BRCA1: variants seen among roughly 807,000 people sequenced by gnomAD.
BRCA1 encodes breast cancer type 1 susceptibility protein.
In BRCA1, 140 loss-of-function variants were observed where a neutral mutation model predicts 173.7. The observed-to-expected ratio is 0.81, with a 90% CI of 0.70 to 0.93. The LOEUF is 0.93. Ranked by LOEUF, BRCA1 falls within the 40% of genes least tolerant of loss-of-function variation. The pLI, the probability that BRCA1 is intolerant of heterozygous loss-of-function variation, is 0.00. For missense variants in BRCA1, 1,983 were observed against 2,172.5 expected, an observed-to-expected ratio of 0.91 and a Z score of 1.73; for synonymous variants, 662 against 756.0, an observed-to-expected ratio of 0.88 and a Z score of 2.04.
chr17:43,057,973 T>TCATG lies in BRCA1; in HGVS notation c.5194-842_5194-839dup, dbSNP rs1460749214. Among the ~76,000 whole-genome samples, 5 of 128,424 alleles carry TCATG rather than the reference T, an allele frequency of 3.9e-5. No homozygotes were observed. In the East Asian group the frequency reaches 1.1e-3, roughly 29 times the overall value. The allele number at this position is 128,424 out of a possible 152,430, so 84.3% of individuals were successfully genotyped here. On this transcript the variant is annotated intron_variant, in intron 18 of 22. Coordinates refer to ENST00000357654, the MANE Select transcript of BRCA1 (RefSeq NM_007294.4). ...AGGCAGAGGTTGCTGTGAGCCACGA[T>TCATG]CATGCCACTGCACTCCAGCCTGGGT...
chr17:43,102,078 GTTT>G (rs898927264), intron 6 of BRCA1, among the ~76,000 whole-genome samples: 1 of 143,792 alleles, frequency 7.0e-6, no homozygotes, highest in Non-Finnish European at 1.5e-5. Context: ...AAGTTTTTTT[GTTT>G]TTTTTTTGAG....
intron 6 of BRCA1, among the ~76,000 whole-genome samples, chr17:43,103,582 A>C (rs2054585058): frequency 6.6e-6 from 1 of 151,976 alleles, no homozygotes; most frequent in South Asian, 2.1e-4. Flanking sequence ...TCAGCCTCCT[A>C]AGTAGCTGGG....
intron 18 of BRCA1, among the ~76,000 whole-genome samples, chr17:43,059,335 G>A (rs1404675980): frequency 6.6e-6 from 1 of 152,078 alleles, no homozygotes; most frequent in African/African-American, 2.4e-5. Flanking sequence ...ATTGTGGCAG[G>A]TGCCTGTAAT....
chr17:43,088,767 C>G (rs1469289929), intron 11 of BRCA1, among the ~76,000 whole-genome samples: 1 of 152,128 alleles, frequency 6.6e-6, no homozygotes, highest in Non-Finnish European at 1.5e-5. Context: ...TAAGAATGTG[C>G]CTACGGCAGG....
At chr17:43,065,420 G>C (rs1471006144) in intron 16 of BRCA1, among the ~76,000 whole-genome samples, 1 of 152,140 alleles carries the variant, frequency 6.6e-6, no homozygotes, top group Non-Finnish European at 1.5e-5. Context: ...TGTAATCCCA[G>C]CACTTTGGGA....
Position 43,066,450 on chromosome 17 carries a change from C to T in BRCA1, c.5074+1158G>A, listed in dbSNP as rs112966361. On this transcript the variant is annotated intron_variant, in intron 16 of 22. Transcript: ENST00000357654. ...TTGTTGAGACAGAGTCTCACTCTGT[C>T]GCCAGGCTGGAGTGCAGTGGCAGGA... Among the ~76,000 whole-genome samples, 705 of 152,156 alleles carry T rather than the reference C, an allele frequency of 4.6e-3. 10 individuals carry two copies. The highest frequency in any genetic ancestry group is 0.016 in the African/African-American group (652 of 41,488).
chr17:43,044,448 G>A lies in BRCA1; in HGVS notation c.*1230C>T, dbSNP rs1476658099. 2.0e-6 allele frequency: 1 copy of A among 508,756 alleles called. No individual in the cohort carries two copies. Among genetic ancestry groups the A allele is most frequent in the East Asian group, 4.4e-5 (1 of 22,904 alleles). The allele number at this position is 508,756 out of a possible 1,614,324, so 31.5% of individuals were successfully genotyped here. On this transcript the variant is annotated 3_prime_UTR_variant, in exon 23 of 23. Transcript: ENST00000357654. ...AGCTATAAACAGTCCTGGATAATGGGTTTATGAAAAACACTTTTTCTTCCT... is the reference window on the plus strand; with the variant it reads ...AGCTATAAACAGTCCTGGATAATGGATTTATGAAAAACACTTTTTCTTCCT...
At chr17:43,084,560 C>T (rs895346998) in intron 11 of BRCA1, among the ~76,000 whole-genome samples, 3 of 152,232 alleles carry the variant, frequency 2.0e-5, no homozygotes, top group Admixed American at 2.0e-4. Context: ...CATTGTTTCA[C>T]TCTCCGTTTC....
In BRCA1 at chr17:43,091,567, T is replaced by G. The variant is rs80357343; in HGVS notation, c.3964A>C (p.Lys1322Gln). 6.2e-7 allele frequency: 1 copy of G among 1,614,104 alleles called. No homozygotes were observed. Among genetic ancestry groups the G allele is most frequent in the African/African-American group, 1.3e-5 (1 of 74,938 alleles). ...TQDPFLIGSS[K>Q]QMRHQSESQG... ...CTTTCAGACTGATGCCTCATTTGTT[T>G]GGAAGAACCAATCAAGAAAGGATCC... The change falls in exon 10 of 23, where the codon AAA becomes CAA. Residue 1322 changes from lysine (K) to glutamine (Q), a missense_variant. Coordinates refer to ENST00000357654, the MANE Select transcript of BRCA1 (RefSeq NM_007294.4).
chr17:43,118,588 CTTTTTAA>C (rs1245951349), intron 2 of BRCA1, among the ~76,000 whole-genome samples: 1 of 151,776 alleles, frequency 6.6e-6, no homozygotes, highest in Non-Finnish European at 1.5e-5. Flanking sequence ...TGCCAGCCAT[CTTTTTAA>C]TTTTTAATGT....
intron 1 of BRCA1, among the ~76,000 whole-genome samples, chr17:43,155,937 T>C (rs2056194257): frequency 6.6e-6 from 1 of 152,108 alleles, no homozygotes; most frequent in African/African-American, 2.4e-5. Context: ...TATTTAACTT[T>C]TTAGAAAAGG....
chr17:43,088,074 A>G (rs1287322208), intron 11 of BRCA1, among the ~76,000 whole-genome samples: 1 of 152,202 alleles, frequency 6.6e-6, no homozygotes, highest in Non-Finnish European at 1.5e-5. Flanking sequence ...TTTAAAGATA[A>G]AGTATATACA....
upstream of BRCA1, among the ~76,000 whole-genome samples, chr17:43,127,551 G>A (rs1306647954): frequency 1.3e-5 from 2 of 152,074 alleles, no homozygotes; most frequent in African/African-American, 4.8e-5. Flanking sequence ...AATGTAGTGG[G>A]GACTTGGAGA....
intron 13 of BRCA1, among the ~76,000 whole-genome samples, chr17:43,075,062 A>AGGAT (rs1318332145): frequency 3.7e-5 from 5 of 133,956 alleles, no homozygotes; most frequent in Non-Finnish European, 8.3e-5. Context: ...AGGAAAGGAA[A>AGGAT]GGACGGAAGG....
rs587782778 is a variant in BRCA1, at chr17:43,045,778, G to C, written c.5492C>G (p.Pro1831Arg). 9 of 1,614,180 alleles carry C rather than the reference G, an allele frequency of 5.6e-6. No individual in the cohort carries two copies. Among genetic ancestry groups the C allele is most frequent in the Non-Finnish European group, 6.8e-6 (8 of 1,180,042 alleles). Residue 1831 changes from proline (P) to arginine (R), a missense_variant, in exon 23 of 23, where the codon CCT becomes CGT. Physicochemically the swap from Pro to Arg is moderately radical, Grantham distance 103 (BLOSUM62 -2). Coordinates refer to ENST00000357654, the MANE Select transcript of BRCA1 (RefSeq NM_007294.4). ...FHAIGQMCEA[P>R]VVTREWVLDS... is the part of the protein sequence containing the mutation. The stretch of plus-strand genomic sequence containing the variant: ...CAACACCCACTCTCGGGTCACCACA[G>C]GTGCCTCACACATCTGCCCAATTGC...
chr17:43,114,390 CT>C (rs35851659), intron 3 of BRCA1, among the ~76,000 whole-genome samples: 113 of 138,840 alleles, frequency 8.1e-4, no homozygotes, highest in Admixed American at 8.7e-4. Flanking sequence ...AATACTGGGA[CT>C]TTTTTTTTTT....
chr17:43,157,879 C>G (rs2056207811), intron 1 of BRCA1, among the ~76,000 whole-genome samples: 2 of 151,638 alleles, frequency 1.3e-5, no homozygotes. Flanking sequence ...GCCTGTAATC[C>G]CAGCTACTCC....
At chr17:43,117,073 A>G (rs1459153456) in intron 2 of BRCA1, among the ~76,000 whole-genome samples, 1 of 152,234 alleles carries the variant, frequency 6.6e-6, no homozygotes, top group Non-Finnish European at 1.5e-5. Context: ...TCACTTCAGA[A>G]GAGGCATGAT....
At chr17:43,081,901 TC>T (rs1267355807) in intron 12 of BRCA1, among the ~76,000 whole-genome samples, 3 of 152,220 alleles carry the variant, frequency 2.0e-5, no homozygotes, top group African/African-American at 2.4e-5. Context: ...GTTGTTCTTT[TC>T]TTTTCCTTTT....
Sources: gnomAD v4.1 joint callset for allele counts (sites outside exome capture counted in the v4.1 genomes callset) on GRCh38, gnomAD v4.1.1 for gene constraint, MANE v1.5 for transcripts, NCBI Gene and HGNC (gene_info 2026-07-23, HGNC 2026-07-21) for gene names.